The following ABCB4 variants were observed in gnomAD, a reference collection of about 807,000 sequenced individuals.
The protein encoded by ABCB4 is ATP binding cassette subfamily B member 4, also known as phosphatidylcholine translocator ABCB4.
ABCB4 carries 76 observed loss-of-function variants against 145.7 expected under a neutral mutation model. That is an observed-to-expected ratio of 0.52 (90% CI 0.43 to 0.63). ABCB4 has a LOEUF of 0.63. Ranked by LOEUF, ABCB4 falls within the 30% of genes least tolerant of loss-of-function variation. The pLI is 0.00. For missense variants in ABCB4, 1,234 were observed against 1,553.1 expected, an observed-to-expected ratio of 0.79 and a Z score of 3.45; for synonymous variants, 517 against 566.8, an observed-to-expected ratio of 0.91 and a Z score of 1.25.
intron 14 of ABCB4, among the ~76,000 whole-genome samples, chr7:87,433,926 C>T (rs375280036): frequency 4.0e-5 from 6 of 150,854 alleles, no homozygotes; most frequent in African/African-American, 7.3e-5. Context: ...ATAAAATCAC[C>T]GTTTTCATTC....
the ABCB4 span, among the ~76,000 whole-genome samples, chr7:87,371,504 C>T: frequency 3.3e-5 from 5 of 152,008 alleles, no homozygotes; most frequent in Non-Finnish European, 5.9e-5. Flanking sequence ...CAAACATGCC[C>T]CTTTTTGTAT....
Position 87,462,910 on chromosome 7 carries a change from TA to T in ABCB4, c.136-3del, listed in dbSNP as rs1325047999. The T allele has an allele frequency of 2.5e-6, 4 of 1,612,498 alleles. No individual in the cohort carries two copies. The highest frequency in any genetic ancestry group is 2.7e-5 in the African/African-American group (2 of 74,786). On this transcript the variant is annotated splice_region_variant and splice_polypyrimidine_tract_variant and intron_variant, in intron 3 of 27. Transcript: ENST00000649586. ...ATCCTGCCAATCGGAGTATCGAAAC[TA>T]AAAAAAGGAAATAAAATAATACTTA...
chr7:87,427,556 T>C (rs1356579557), intron 15 of ABCB4, among the ~76,000 whole-genome samples: 1 of 152,190 alleles, frequency 6.6e-6, no homozygotes, highest in Non-Finnish European at 1.5e-5. Context: ...CATCAAGCCC[T>C]GCTGGAGTTG....
rs368115588 is a variant in ABCB4 at position 87,422,209 on chromosome 7, T to A, written c.2228A>T (p.Asp743Val). 4.3e-6 allele frequency: 7 copies of A among 1,613,488 alleles called. No individual in the cohort carries two copies. The highest frequency in any genetic ancestry group is 5.9e-6 in the Non-Finnish European group (7 of 1,179,538). ...SEIIAIFGPG[D>V]DAVKQQKCNI... is the part of the protein sequence containing the mutation. ...GCACTTCTGCTGCTTCACTGCATCA[T>A]CGCCTGGTCCAAAAATCTACAAAAG... Residue 743 changes from aspartate to valine, a missense_variant, in exon 18 of 28, where the codon GAT becomes GTT. Physicochemically the swap from Asp to Val is radical, Grantham distance 152. This residue lies in a region of ABCB4 where 321 missense variants were observed against 332.6 expected (regional missense o/e 0.97). Coordinates refer to ENST00000649586, the MANE Select transcript of ABCB4 (RefSeq NM_000443.4).
intron 3 of ABCB4, among the ~76,000 whole-genome samples, chr7:87,464,743 A>G (rs45619732): frequency 0.029 from 4,492 of 152,304 alleles, 230 homozygotes; most frequent in African/African-American, 0.1. Context: ...ATATCTAGTA[A>G]GAGGTGAAAA....
At chr7:87,384,998 C>T in the ABCB4 span, among the ~76,000 whole-genome samples, 1 of 151,764 alleles carries the variant, frequency 6.6e-6, no homozygotes, top group African/African-American at 2.4e-5. Flanking sequence ...AAGGAGATGC[C>T]TGTAAATACA....
chr7:87,377,414 T>A, the ABCB4 span: 1 of 1,611,096 alleles, frequency 6.2e-7, no homozygotes, highest in Non-Finnish European at 8.5e-7. Context: ...ATAACTTGAT[T>A]TCCTTTTCTA....
the ABCB4 span, among the ~76,000 whole-genome samples, chr7:87,394,720 C>A: frequency 6.6e-6 from 1 of 151,908 alleles, no homozygotes. Flanking sequence ...TATAAAAAGG[C>A]ATACCTATAG....
At chr7:87,413,939 A>G (rs1808798382) in intron 21 of ABCB4, among the ~76,000 whole-genome samples, 1 of 152,244 alleles carries the variant, frequency 6.6e-6, no homozygotes, top group African/African-American at 2.4e-5. Flanking sequence ...TTGTATGCTC[A>G]GGAAGGCTGA....
intron 4 of ABCB4, among the ~76,000 whole-genome samples, chr7:87,459,965 T>C (rs1204940116): frequency 6.6e-6 from 1 of 152,178 alleles, no homozygotes. Context: ...GCAGTGGAGA[T>C]ATGGTGCTGA....
In ABCB4 at chr7:87,465,720, G is replaced by T. The variant is rs527349567; in HGVS notation, c.136-2812C>A. On this transcript the variant is annotated intron_variant, in intron 3 of 27. Coordinates refer to ENST00000649586, the MANE Select transcript of ABCB4 (RefSeq NM_000443.4). ...GACGAAACTTCCAGAGGAACAATCA[G>T]GCAGCAACATTCGCTGTTCATCAAT... 7.9e-5 allele frequency among the ~76,000 whole-genome samples: 12 copies of T among 152,286 alleles called. No homozygotes were observed. The East Asian group carries it at 2.3e-3, about 29-fold the overall frequency.
Position 87,431,657 on chromosome 7 carries a change from G to A in ABCB4, c.1732-92C>T. On this transcript the variant is annotated intron_variant, in intron 14 of 27. Coordinates refer to ENST00000649586, the MANE Select transcript of ABCB4 (RefSeq NM_000443.4). ...TTAAGCACTTGGATGAATGCTGTTT[G>A]TAGATGATTAGAGAGTAGTTTATAC... 1.1e-5 allele frequency: 17 copies of A among 1,486,822 alleles called. No individual in the cohort carries two copies. The South Asian group carries it at 1.8e-4, about 16-fold the overall frequency. 92.1% of individuals were successfully genotyped at this position (1,486,822 alleles called of 1,614,324 possible). A position where few individuals can be genotyped will look rare whatever the true frequency, so the allele number is the denominator to read the frequency against.
chr7:87,457,584 G>A (rs187156749), intron 4 of ABCB4, among the ~76,000 whole-genome samples: 46 of 152,300 alleles, frequency 3.0e-4, no homozygotes, highest in Non-Finnish European at 5.1e-4. Flanking sequence ...AGAGTGGGTT[G>A]TTTCATTTCC....
intron 2 of ABCB4, among the ~76,000 whole-genome samples, chr7:87,474,672 T>G (rs974329373): frequency 6.6e-6 from 1 of 151,770 alleles, no homozygotes; most frequent in Non-Finnish European, 1.5e-5. Context: ...ATTCCCACAG[T>G]GAAAGAGGAA....
At chr7:87,423,773 G>A (rs1442780277) in intron 17 of ABCB4, 133 bp downstream of exon 17, 30 of 1,060,504 alleles carry the variant, frequency 2.8e-5, no homozygotes, top group South Asian at 2.2e-4. Context: ...TTCTCAAAAG[G>A]GATTTAAGGA....
At chr7:87,443,268 C>T (rs1245403312) in intron 12 of ABCB4, 51 bp downstream of exon 12, 2 of 1,612,500 alleles carry the variant, frequency 1.2e-6, no homozygotes, top group South Asian at 1.1e-5. Context: ...TTTCAAAGGG[C>T]CAATTTGTAT....
At chr7:87,463,031 T>C (rs764419305) in intron 3 of ABCB4, 123 bp from the exon 4 acceptor site, 5 of 844,592 alleles carry the variant, frequency 5.9e-6, no homozygotes, top group East Asian at 2.7e-5. Flanking sequence ...ATGAATGTCT[T>C]AGAAAAGGAG....
rs373293934 is a variant in ABCB4, at chr7:87,450,468, ATTTT to A, written c.709-380_709-377del. On this transcript the variant is annotated intron_variant, in intron 7 of 27. Transcript: ENST00000649586. ...CCATTCTTAACTTTATTGTGTCACA[ATTTT>A]TTTTTTTTTTTTTTTTGAGACGGGG... is the stretch of plus-strand genomic sequence containing the variant. Among the ~76,000 whole-genome samples, 6 of 131,210 alleles carry A rather than the reference ATTTT, an allele frequency of 4.6e-5. No individual in the cohort carries two copies. The South Asian group carries it at 7.0e-4, about 15-fold the overall frequency. The allele number at this position is 131,210 out of a possible 152,430, so 86.1% of individuals were successfully genotyped here.
the ABCB4 span, chr7:87,392,525 G>A: frequency 5.9e-6 from 9 of 1,517,634 alleles, no homozygotes; most frequent in Non-Finnish European, 6.4e-6. Flanking sequence ...GTTGGGTTTT[G>A]CACAGTGTGT....
Sources: allele counts gnomAD v4.1 joint callset (sites outside exome capture counted in the v4.1 genomes callset), GRCh38; gene constraint gnomAD v4.1.1; regional missense constraint gnomAD v4.1.1; transcripts MANE v1.5; gene names NCBI Gene and HGNC (gene_info 2026-07-23, HGNC 2026-07-21).